The following GAB4 variants were observed in gnomAD, a reference collection of about 807,000 sequenced individuals.
GAB4 encodes GRB2 associated binding protein family member 4, also known as GRB2-associated-binding protein 4.
In GAB4, 26 loss-of-function variants were observed where a neutral mutation model predicts 51.3. The ratio of observed to expected loss-of-function variants is 0.51; its 90% CI spans 0.37 to 0.70. The LOEUF (loss-of-function observed/expected upper bound fraction) is 0.70, where lower values mean the gene tolerates loss of function less well. Among genes scored for constraint, GAB4 ranks in the 30% least tolerant of loss-of-function variants. The probability of loss-of-function intolerance (pLI) is 0.00; values close to 1 mark genes in which losing one functional copy is unlikely to be tolerated. For missense variants in GAB4, 759 were observed against 734.6 expected (o/e 1.03, Z -0.38); for synonymous variants, 329 against 291.2 (o/e 1.13, Z -1.32).
In GAB4 at chr22:16,987,961, T is replaced by C. The variant is rs770727743; in HGVS notation, c.685A>G (p.Arg229Gly). 1.7e-5 allele frequency: 27 copies of C among 1,595,930 alleles called. No homozygotes were observed. The highest frequency in any genetic ancestry group is 2.3e-5 in the Non-Finnish European group (27 of 1,172,384). The change falls in exon 3 of 10, where the codon AGG (arginine) becomes GGG (glycine). Residue 229 changes from arginine (R) to glycine (G), a missense_variant and splice_region_variant. Physicochemically the swap from Arg to Gly is moderately radical, Grantham distance 125. Around this residue, in one of 3 missense-constraint regions of GAB4, gnomAD observed 588 missense variants for 510.2 expected, o/e 1.15. Transcript: ENST00000400588. ...QHASQRAEHA[R>G]SASFSQGSEA... is the part of the protein sequence containing the mutation. ...CCACTGGCCATAGTAGCCCCCTACC[T>C]TGCATGTTCTGCTCTCTGGCTGGCG...
intron 2 of GAB4, among the ~76,000 whole-genome samples, chr22:16,988,916 C>G (rs2060891010): frequency 6.6e-6 from 1 of 152,176 alleles, no homozygotes; most frequent in African/African-American, 2.4e-5. Flanking sequence ...TACTCAAATT[C>G]ACATGCAGAC....
chr22:16,988,189 A>G lies in GAB4; in HGVS notation c.479-22T>C, dbSNP rs754341192. On this transcript the variant is annotated intron_variant, in intron 2 of 9. Transcript: ENST00000400588. ...AAGCCTGTGAATGAAACAGGAAGGAAGGGCATCCTTGTCCTAAAGTGGGCT... is the reference window on the plus strand; with the variant it reads ...AAGCCTGTGAATGAAACAGGAAGGAGGGGCATCCTTGTCCTAAAGTGGGCT... 1.3e-5 allele frequency: 20 copies of G among 1,560,864 alleles called. No individual in the cohort carries two copies. In the African/African-American group the frequency reaches 2.0e-4, roughly 16 times the overall value.
intron 1 of GAB4, among the ~76,000 whole-genome samples, chr22:16,999,174 T>A (rs149880576): frequency 0.092 from 14,010 of 152,276 alleles, 689 homozygotes; most frequent in African/African-American, 0.11. Flanking sequence ...TAGGGAGGAT[T>A]CCCTCTTTTT....
At chr22:16,986,427 C>T (rs1261819661) in intron 3 of GAB4, among the ~76,000 whole-genome samples, 1 of 152,196 alleles carries the variant, frequency 6.6e-6, no homozygotes, top group East Asian at 1.9e-4. Flanking sequence ...GAAAGGGGCA[C>T]AGGGAGAACC....
At chr22:16,968,259 C>T (rs376564792) in intron 5 of GAB4, 39 bp downstream of exon 5, 1 of 1,420,238 alleles carries the variant, frequency 7.0e-7, no homozygotes, top group Admixed American at 1.7e-5. Flanking sequence ...CTTTACCTCC[C>T]TGAGCCAGTC....
At chr22:16,966,945 A>G (rs2060680951) in intron 5 of GAB4, 1 of 154,690 alleles carries the variant, frequency 6.5e-6, no homozygotes, top group Admixed American at 6.3e-5. Context: ...TTCGATGTGG[A>G]TGCCAAGGCA....
At position 16,962,658 on chromosome 22, in the gene GAB4, A is replaced by G; in HGVS notation, c.*75T>C. On this transcript the variant is annotated 3_prime_UTR_variant, in exon 10 of 10. Transcript: ENST00000400588. Reference sequence around the variant, plus strand: ...CTATGTAAGGGATGCGGTCCCTGATATTACAGAGCTTTAGAGTGTGGCGGA... The same window carrying G: ...CTATGTAAGGGATGCGGTCCCTGATGTTACAGAGCTTTAGAGTGTGGCGGA... 7.3e-7 allele frequency: 1 copy of G among 1,360,962 alleles called. No individual in the cohort carries two copies. Among genetic ancestry groups the G allele is most frequent in the Non-Finnish European group, 1.0e-6 (1 of 995,090 alleles). 84.3% of individuals were successfully genotyped at this position (1,360,962 alleles called of 1,614,324 possible). A position where few individuals can be genotyped will look rare whatever the true frequency, so the allele number is the denominator to read the frequency against.
intron 1 of GAB4, 149 bp downstream of exon 1, chr22:17,007,792 T>A: frequency 1.4e-6 from 1 of 693,982 alleles, no homozygotes; most frequent in East Asian, 2.8e-5. Context: ...TGTCTCTCAC[T>A]GGCGGGGAGT....
chr22:17,001,113 T>C (rs2060994268), intron 1 of GAB4, among the ~76,000 whole-genome samples: 1 of 152,182 alleles, frequency 6.6e-6, no homozygotes, highest in Non-Finnish European at 1.5e-5. Context: ...GACAATTATG[T>C]GTCTTGGAGT....
Position 16,970,196 on chromosome 22 carries a change from A to C in GAB4, c.687-3T>G. 6.2e-7 allele frequency: 1 copy of C among 1,613,718 alleles called. No homozygotes were observed. The highest frequency in any genetic ancestry group is 8.5e-7 in the Non-Finnish European group (1 of 1,179,730). On this transcript the variant is annotated splice_polypyrimidine_tract_variant and splice_region_variant and intron_variant, in intron 3 of 9. Transcript: ENST00000400588. Reference sequence around the variant, plus strand: ...AACCCTGGGAGAAGCTGGCACTCCTAAGAGAGAGAAAGAAGGGAAGGGGCA... The same window carrying C: ...AACCCTGGGAGAAGCTGGCACTCCTCAGAGAGAGAAAGAAGGGAAGGGGCA...
chr22:16,965,478 T>C (rs1601244734), intron 6 of GAB4, among the ~76,000 whole-genome samples: 2 of 152,108 alleles, frequency 1.3e-5, no homozygotes, highest in African/African-American at 4.8e-5. Flanking sequence ...GATCGTATGC[T>C]CCTCCCACTG....
At chr22:16,981,074 T>C in intron 3 of GAB4, among the ~76,000 whole-genome samples, 1 of 152,042 alleles carries the variant, frequency 6.6e-6, no homozygotes, top group Non-Finnish European at 1.5e-5. Context: ...GGTTGATGGG[T>C]GCAGCAAACC....
chr22:16,970,221 A>C (rs763154808), intron 3 of GAB4, 28 bp from the exon 4 acceptor site: 1 of 1,612,404 alleles, frequency 6.2e-7, no homozygotes, highest in South Asian at 1.1e-5. Context: ...GGGAAGGGGC[A>C]GGGGTGAGAG....
chr22:16,991,755 C>T (rs2123706420), intron 2 of GAB4, 118 bp downstream of exon 2: 1 of 859,970 alleles, frequency 1.2e-6, no homozygotes, highest in South Asian at 1.7e-5. Flanking sequence ...ATGCCTTTAG[C>T]TTCATCACGA....
At chr22:16,988,798 A>G (rs2060890090) in intron 2 of GAB4, among the ~76,000 whole-genome samples, 1 of 152,116 alleles carries the variant, frequency 6.6e-6, no homozygotes, top group Admixed American at 6.5e-5. Flanking sequence ...CTGCTTTCCT[A>G]TACCCACGAC....
At chr22:16,973,913 G>T (rs2060755241) in intron 3 of GAB4, among the ~76,000 whole-genome samples, 1 of 152,112 alleles carries the variant, frequency 6.6e-6, no homozygotes, top group African/African-American at 2.4e-5. Context: ...AGACAGCAGA[G>T]GGCCACATCC....
chr22:16,972,374 G>A (rs2060739568), intron 3 of GAB4, among the ~76,000 whole-genome samples: 1 of 152,202 alleles, frequency 6.6e-6, no homozygotes, highest in African/African-American at 2.4e-5. Flanking sequence ...CCAGACAAAA[G>A]TTGAGACAAG....
intron 8 of GAB4, among the ~76,000 whole-genome samples, chr22:16,964,371 A>G (rs978195731): frequency 6.6e-6 from 1 of 152,128 alleles, no homozygotes; most frequent in African/African-American, 2.4e-5. Flanking sequence ...TTCAGTGCCA[A>G]TCTAAGGGGC....
intron 5 of GAB4, 92 bp downstream of exon 5, chr22:16,968,206 G>T: frequency 1.1e-6 from 1 of 895,640 alleles, no homozygotes; most frequent in Non-Finnish European, 1.9e-6. Flanking sequence ...GGGAGATGCT[G>T]TCACCCTTTG....
Sources: gnomAD v4.1 joint callset for allele counts (sites outside exome capture counted in the v4.1 genomes callset) on GRCh38, gnomAD v4.1.1 for gene constraint, gnomAD v4.1.1 regional missense constraint, MANE v1.5 for transcripts, NCBI Gene and HGNC (gene_info 2026-07-23, HGNC 2026-07-21) for gene names.